Variants in RBFOX1 observed in about 807,000 individuals in gnomAD.
RBFOX1 encodes the protein RNA binding protein fox-1 homolog 1.
Under a neutral mutation model 57.7 loss-of-function variants are expected in RBFOX1, and 8 were observed. The observed-to-expected ratio is 0.14, with a 90% confidence interval of 0.08 to 0.25. RBFOX1 has a LOEUF of 0.25. Ranked by LOEUF, RBFOX1 falls within the 10% of genes least tolerant of loss-of-function variation. RBFOX1 has a pLI of 1.00. For synonymous variants in RBFOX1, 326 were observed against 222.4 expected (o/e 1.47, Z -4.15); for missense variants, 611 against 548.5 (o/e 1.11, Z -1.14).
intron 4 of RBFOX1, among the ~76,000 whole-genome samples, chr16:5,904,711 C>G (rs1441357737): frequency 6.6e-6 from 1 of 152,014 alleles, no homozygotes; most frequent in Non-Finnish European, 1.5e-5. Context: ...GGCACAGTGT[C>G]TCGCGCCTGT....
At chr16:7,244,886 G>T (rs1244214835) in intron 4 of RBFOX1, among the ~76,000 whole-genome samples, 3 of 152,164 alleles carry the variant, frequency 2.0e-5, no homozygotes, top group African/African-American at 2.4e-5. Flanking sequence ...TGTAAGAAAA[G>T]CTCCGTATCC....
At chr16:6,213,769 G>A (rs1017151226) in intron 1 of RBFOX1, among the ~76,000 whole-genome samples, 6 of 152,192 alleles carry the variant, frequency 3.9e-5, no homozygotes, top group Non-Finnish European at 8.8e-5. Context: ...CTGAGCGAAA[G>A]CGCATTCACC....
chr16:5,311,214 A>G (rs1026227289), intron 1 of RBFOX1, among the ~76,000 whole-genome samples: 2 of 152,158 alleles, frequency 1.3e-5, no homozygotes, highest in Non-Finnish European at 2.9e-5. Context: ...GTATGTTTGT[A>G]TGTATGTACA....
rs543135919 is a variant in RBFOX1 at position 5,542,373 on chromosome 16, C to G, written c.259-56529C>G. The stretch of plus-strand genomic sequence containing the variant: ...AAGCAATTCTCCTACCTCAGCCTCC[C>G]GAGTAGCTGGGATTACAGGCATGCG... On this transcript the variant is annotated intron_variant, in intron 2 of 2. Coordinates refer to the RBFOX1 transcript ENST00000585867. Among the ~76,000 whole-genome samples, 70 of 151,490 alleles carry G rather than the reference C, an allele frequency of 4.6e-4. 1 individual carries two copies. Among genetic ancestry groups the G allele is most frequent in the African/African-American group, 1.6e-3 (67 of 41,278 alleles).
At chr16:7,632,350 T>G (rs557546887) in intron 11 of RBFOX1, among the ~76,000 whole-genome samples, 6 of 152,326 alleles carry the variant, frequency 3.9e-5, no homozygotes, top group African/African-American at 9.6e-5. Context: ...AAGGGCCTCC[T>G]TGGGGCCAGT....
chr16:6,372,123 G>C (rs1001447935), intron 2 of RBFOX1, among the ~76,000 whole-genome samples: 3 of 151,718 alleles, frequency 2.0e-5, no homozygotes, highest in Non-Finnish European at 4.4e-5. Flanking sequence ...AAGTATAGTT[G>C]GGTGGGAGGA....
At chr16:6,844,748 T>C (rs1210506689) in intron 3 of RBFOX1, among the ~76,000 whole-genome samples, 1 of 152,182 alleles carries the variant, frequency 6.6e-6, no homozygotes, top group Non-Finnish European at 1.5e-5. Context: ...TCTAGGTCTT[T>C]GAGGAATTGT....
At chr16:5,483,570 C>T (rs1398875859) in intron 2 of RBFOX1, among the ~76,000 whole-genome samples, 1 of 152,204 alleles carries the variant, frequency 6.6e-6, no homozygotes, top group African/African-American at 2.4e-5. Context: ...CTGTCAGGCT[C>T]TGCATTTTGA....
At chr16:7,226,325 C>T (rs994733768) in intron 4 of RBFOX1, among the ~76,000 whole-genome samples, 26 of 152,160 alleles carry the variant, frequency 1.7e-4, no homozygotes, top group African/African-American at 5.8e-4. Context: ...AGAAGAGGTT[C>T]TTCTTCAAAG....
At chr16:6,857,942 A>T (rs2058206784) in intron 3 of RBFOX1, among the ~76,000 whole-genome samples, 1 of 152,214 alleles carries the variant, frequency 6.6e-6, no homozygotes, top group Admixed American at 6.5e-5. Context: ...ATTTTTAAGC[A>T]TCAAGACAAT....
chr16:5,919,874 TTCTC>T (rs2058783392), intron 4 of RBFOX1, among the ~76,000 whole-genome samples: 1 of 152,162 alleles, frequency 6.6e-6, no homozygotes, highest in South Asian at 2.1e-4. Flanking sequence ...CTGTGACCCT[TTCTC>T]TCTGCCTTTT....
intron 2 of RBFOX1, among the ~76,000 whole-genome samples, chr16:6,639,378 C>A (rs947940967): frequency 1.3e-5 from 2 of 152,088 alleles, no homozygotes; most frequent in African/African-American, 4.8e-5. Context: ...GATAGACTAT[C>A]TATCAGCTTC....
At chr16:6,737,619 A>G (rs2154179643) in intron 3 of RBFOX1, among the ~76,000 whole-genome samples, 1 of 152,324 alleles carries the variant, frequency 6.6e-6, no homozygotes, top group Non-Finnish European at 1.5e-5. Flanking sequence ...GTGAGGGCTT[A>G]GCAAATAAAT....
At chr16:7,552,737 C>A (rs561328248) in intron 5 of RBFOX1, among the ~76,000 whole-genome samples, 53 of 152,206 alleles carry the variant, frequency 3.5e-4, no homozygotes, top group African/African-American at 1.2e-3. Flanking sequence ...GGCCGAAGTG[C>A]AATGGCGTGA....
At chr16:5,326,577 A>C (rs934527560) in intron 1 of RBFOX1, among the ~76,000 whole-genome samples, 13 of 152,222 alleles carry the variant, frequency 8.5e-5, no homozygotes, top group African/African-American at 2.4e-4. Context: ...TCATTATCAC[A>C]GAACATGGAA....
intron 3 of RBFOX1, among the ~76,000 whole-genome samples, chr16:6,922,018 T>C (rs1006225123): frequency 1.3e-5 from 2 of 152,196 alleles, no homozygotes; most frequent in Non-Finnish European, 2.9e-5. Flanking sequence ...CTTGTGGCTA[T>C]TTAATGTATA....
At chr16:6,880,107 C>T (rs558286819) in intron 3 of RBFOX1, among the ~76,000 whole-genome samples, 1 of 152,170 alleles carries the variant, frequency 6.6e-6, no homozygotes, top group African/African-American at 2.4e-5. Context: ...GTCCCCTGAC[C>T]TTTCGAGTTA....
intron 3 of RBFOX1, among the ~76,000 whole-genome samples, chr16:5,754,616 A>G (rs903917753): frequency 5.5e-5 from 7 of 126,738 alleles, no homozygotes; most frequent in African/African-American, 1.9e-4. Context: ...TCACAAGACA[A>G]TTGTGGGGAG....
intron 3 of RBFOX1, among the ~76,000 whole-genome samples, chr16:6,693,928 C>T (rs1400114630): frequency 1.3e-5 from 2 of 152,182 alleles, no homozygotes; most frequent in Non-Finnish European, 2.9e-5. Flanking sequence ...ACTGTTTACC[C>T]ATATGAAGTA....
Sources: gnomAD v4.1 joint callset for allele counts (sites outside exome capture counted in the v4.1 genomes callset) on GRCh38, gnomAD v4.1.1 for gene constraint, MANE v1.5 for transcripts, NCBI Gene and HGNC (gene_info 2026-07-23, HGNC 2026-07-21) for gene names.